Variants in FMNL2 observed in about 807,000 individuals in gnomAD.
FMNL2 encodes formin like 2, also known as formin-like protein 2.
FMNL2 carries 51 observed loss-of-function variants against 130.2 expected under a neutral mutation model. The ratio of observed to expected loss-of-function variants is 0.39; its 90% CI spans 0.31 to 0.49. The LOEUF (loss-of-function observed/expected upper bound fraction) is 0.49, where lower values mean the gene tolerates loss of function less well. FMNL2 is among the 20% of genes least tolerant of loss of function. FMNL2 has a pLI of 0.85. For missense variants in FMNL2, 977 were observed against 1,316.2 expected (o/e 0.74, Z 3.99); for synonymous variants, 465 against 467.1 (o/e 1.00, Z 0.06).
chr2:152,448,962 C>T (rs1256366295), intron 1 of FMNL2, among the ~76,000 whole-genome samples: 1 of 152,126 alleles, frequency 6.6e-6, no homozygotes, highest in African/African-American at 2.4e-5. Flanking sequence ...GAGAAGAAAC[C>T]AAAAGACCTG....
rs77314130 is a variant in FMNL2 at position 152,583,014 on chromosome 2, A to G, written c.876+1965A>G. Among the ~76,000 whole-genome samples, 2,699 of 152,342 alleles carry G rather than the reference A, an allele frequency of 0.018. 133 individuals carry two copies. The East Asian group carries it at 0.19, about 11-fold the overall frequency. ...GTAAGATAGAGTACCTTTCTTATGC[A>G]TAGTAGGCCCACAGATACTTGCAGA... On this transcript the variant is annotated intron_variant, in intron 9 of 25. Coordinates refer to ENST00000288670, the MANE Select transcript of FMNL2 (RefSeq NM_052905.4).
intron 1 of FMNL2, among the ~76,000 whole-genome samples, chr2:152,407,379 C>A (rs1291842049): frequency 6.6e-6 from 1 of 151,964 alleles, no homozygotes; most frequent in Non-Finnish European, 1.5e-5. Flanking sequence ...AGAAACCCTT[C>A]CAGCCCTGGG....
rs754832522 is a variant in FMNL2 at position 152,619,590 on chromosome 2, C to T, written c.1709C>T (p.Pro570Leu). 1.5e-5 allele frequency: 23 copies of T among 1,570,106 alleles called. No individual in the cohort carries two copies. The highest frequency in any genetic ancestry group is 3.3e-4 in the Middle Eastern group (2 of 5,976). Residue 570 changes from proline (P) to leucine (L), a missense_variant, in exon 15 of 26, where the codon CCG becomes CTG. This residue lies in a region of FMNL2 where 689 missense variants were observed against 995.9 expected (regional missense o/e 0.69). Coordinates refer to ENST00000288670, the MANE Select transcript of FMNL2 (RefSeq NM_052905.4). The stretch of plus-strand genomic sequence containing the variant: ...CCTCCTCCTCCCCCACCGCCCCCTC[C>T]GCCTCCTCCTCTCCCAGGCCCTGCA... ...PPPPPPPPPP[P>L]PPPLPGPAAE...
chr2:152,598,356 T>C (rs1445346290), intron 9 of FMNL2, among the ~76,000 whole-genome samples: 3 of 152,172 alleles, frequency 2.0e-5, no homozygotes, highest in African/African-American at 7.2e-5. Context: ...CAGAGAGGAC[T>C]GAAGGCCTTT....
chr2:152,588,643 T>G (rs1409930809), intron 9 of FMNL2, among the ~76,000 whole-genome samples: 1 of 152,176 alleles, frequency 6.6e-6, no homozygotes, highest in African/African-American at 2.4e-5. Context: ...TGTCATTTTA[T>G]ACCAAGAAGG....
rs117011253 is a variant in FMNL2, at chr2:152,565,091, A to G, written c.596+4056A>G. Among the ~76,000 whole-genome samples the G allele has an allele frequency of 1.3e-3, 194 of 152,322 alleles. 4 individuals are homozygous for G. The East Asian group carries it at 0.034, about 27-fold the overall frequency. ...AGCTAGCTAAATTTAACAATGCCAT[A>G]TAGGCACATATGTGCACATCAGATC... On this transcript the variant is annotated intron_variant, in intron 6 of 25. Transcript: ENST00000288670.
chr2:152,601,833 T>C (rs1698095408), intron 9 of FMNL2, among the ~76,000 whole-genome samples: 1 of 151,132 alleles, frequency 6.6e-6, no homozygotes, highest in Admixed American at 6.6e-5. Context: ...CCATGCCCAA[T>C]TAATTTTTGT....
chr2:152,478,246 ATATATTT>A (rs1297279201), intron 1 of FMNL2, among the ~76,000 whole-genome samples: 994 of 67,576 alleles, frequency 0.015, 4 homozygotes, highest in African/African-American at 0.038. Flanking sequence ...ATATATATAT[ATATATTT>A]TTTTTTTTTT....
chr2:152,351,027 A>C (rs1418723368), intron 1 of FMNL2, among the ~76,000 whole-genome samples: 1 of 152,186 alleles, frequency 6.6e-6, no homozygotes, highest in Non-Finnish European at 1.5e-5. Context: ...CCTGGGTAAC[A>C]GAGTGAGACT....
rs146198660 is a variant in FMNL2 at position 152,541,915 on chromosome 2, AG to A, written c.202-822del. ...GTTTGTGGACATGTGGCTTCTACCC[AG>A]GTTTTTACTGTTGCCTGTTCTGCTT... On this transcript the variant is annotated intron_variant, in intron 2 of 25. Transcript: ENST00000288670. Among the ~76,000 whole-genome samples, 1,228 of 152,198 alleles carry A rather than the reference AG, an allele frequency of 8.1e-3. 22 individuals are homozygous for A. Among genetic ancestry groups the A allele is most frequent in the African/African-American group, 0.028 (1,179 of 41,532 alleles).
chr2:152,522,085 G>A, intron 2 of FMNL2, 59 bp downstream of exon 2: 1 of 1,350,800 alleles, frequency 7.4e-7, no homozygotes, highest in Non-Finnish European at 1.0e-6. Context: ...GATCCAGTGT[G>A]AATTTTATGG....
chr2:152,434,426 T>G (rs1055887724), intron 1 of FMNL2, among the ~76,000 whole-genome samples: 1 of 152,218 alleles, frequency 6.6e-6, no homozygotes, highest in Non-Finnish European at 1.5e-5. Flanking sequence ...GTTTTAATCC[T>G]TTTGAACCAA....
intron 9 of FMNL2, among the ~76,000 whole-genome samples, chr2:152,593,894 TGTGTGTGTGA>T (rs750488653): frequency 0.08 from 8,891 of 110,474 alleles, 255 homozygotes; most frequent in African/African-American, 0.097. Flanking sequence ...TGTGTGTGTG[TGTGTGTGTGA>T]GAGAGAGAGA....
intron 4 of FMNL2, among the ~76,000 whole-genome samples, chr2:152,554,697 G>T (rs1695113092): frequency 6.6e-6 from 1 of 152,154 alleles, no homozygotes; most frequent in Non-Finnish European, 1.5e-5. Flanking sequence ...CTCAAAGTTG[G>T]TCATCAGCAA....
intron 1 of FMNL2, among the ~76,000 whole-genome samples, chr2:152,510,936 A>T (rs1052137050): frequency 5.3e-5 from 8 of 152,208 alleles, no homozygotes; most frequent in Non-Finnish European, 8.8e-5. Flanking sequence ...TGGATAGGGC[A>T]GAACTTTACT....
intron 9 of FMNL2, among the ~76,000 whole-genome samples, chr2:152,590,959 G>A (rs1268757957): frequency 7.9e-6 from 1 of 126,016 alleles, no homozygotes; most frequent in Non-Finnish European, 1.6e-5. Context: ...CTTGTGCAGA[G>A]TTAGATTTTC....
chr2:152,523,814 C>T (rs1693238185), intron 2 of FMNL2, among the ~76,000 whole-genome samples: 1 of 152,174 alleles, frequency 6.6e-6, no homozygotes, highest in Non-Finnish European at 1.5e-5. Context: ...AAGTGTGTCT[C>T]CCTCAAGAGT....
Position 152,611,605 on chromosome 2 carries a change from C to T in FMNL2, c.1062C>T (p.Asp354=), listed in dbSNP as rs758138299. 23 of 1,569,378 alleles carry T rather than the reference C, an allele frequency of 1.5e-5. No individual in the cohort carries two copies. The highest frequency in any genetic ancestry group is 1.7e-4 in the Middle Eastern group (1 of 6,000). The change falls in exon 11 of 26, where the codon GAC becomes GAT. Residue 354 remains aspartate, a splice_region_variant and synonymous_variant. Coordinates refer to ENST00000288670, the MANE Select transcript of FMNL2 (RefSeq NM_052905.4). ...FTKLGLDEYL[D]KLKHTESDKL... is the part of the protein sequence containing the mutation. The stretch of plus-strand genomic sequence containing the variant: ...AATTAGGCCTGGACGAATACTTGGA[C>T]GTGAGTATAGCTGTGACCTTTGGCT...
intron 8 of FMNL2, among the ~76,000 whole-genome samples, chr2:152,579,811 G>T (rs1031831081): frequency 6.6e-6 from 1 of 152,192 alleles, no homozygotes; most frequent in African/African-American, 2.4e-5. Context: ...CACGTTAGTC[G>T]TAAAAGCCAG....
Sources: allele counts gnomAD v4.1 joint callset (sites outside exome capture counted in the v4.1 genomes callset), GRCh38; gene constraint gnomAD v4.1.1; regional missense constraint gnomAD v4.1.1; transcripts MANE v1.5; gene names NCBI Gene and HGNC (gene_info 2026-07-23, HGNC 2026-07-21).